KAZN: variants seen among roughly 807,000 people sequenced by gnomAD.
The protein encoded by KAZN is kazrin.
KAZN carries 40 observed loss-of-function variants against 87.4 expected under a neutral mutation model. The observed-to-expected ratio is 0.46, with a 90% CI of 0.36 to 0.60. The LOEUF is 0.60. KAZN is among the 20% of genes least tolerant of loss of function. The pLI is 0.00. For missense variants in KAZN, 898 were observed against 1,073.9 expected (o/e 0.84, Z 2.29); for synonymous variants, 466 against 458.3 (o/e 1.02, Z -0.22).
rs1408671667 is a variant in KAZN, at chr1:14,778,158, G to A, written c.226+178935G>A. Among the ~76,000 whole-genome samples, 3 of 152,142 alleles carry A rather than the reference G, an allele frequency of 2.0e-5. No homozygotes were observed. The East Asian group carries it at 5.8e-4, about 29-fold the overall frequency. On this transcript the variant is annotated intron_variant, in intron 1 of 14. Transcript: ENST00000376030. Reference sequence around the variant, plus strand: ...CTTATTTTACCCAATCTCTATTCAAGATGGAGTCTCTGAGTCTTAACATTT... The same window carrying A: ...CTTATTTTACCCAATCTCTATTCAAAATGGAGTCTCTGAGTCTTAACATTT...
chr1:14,489,360 T>C (rs1669526044), intron 2 of KAZN, among the ~76,000 whole-genome samples: 1 of 152,158 alleles, frequency 6.6e-6, no homozygotes, highest in Non-Finnish European at 1.5e-5. Flanking sequence ...TAAAATTATA[T>C]ATATATAAAC....
intron 1 of KAZN, among the ~76,000 whole-genome samples, chr1:13,938,434 A>G (rs1383720128): frequency 1.3e-5 from 2 of 152,174 alleles, no homozygotes; most frequent in African/African-American, 4.8e-5. Context: ...AGGAGCCTTT[A>G]GGGTTTTCTA....
intron 1 of KAZN, among the ~76,000 whole-genome samples, chr1:14,140,391 A>G (rs1397635164): frequency 6.6e-6 from 1 of 152,082 alleles, no homozygotes; most frequent in Non-Finnish European, 1.5e-5. Flanking sequence ...AGGTGTAATA[A>G]TAATTATAAT....
chr1:14,398,902 T>C (rs1460060500), intron 2 of KAZN, among the ~76,000 whole-genome samples: 2 of 152,146 alleles, frequency 1.3e-5, no homozygotes, highest in Non-Finnish European at 2.9e-5. Context: ...GACTTTCGGA[T>C]TACTCGGGGG....
At chr1:14,972,101 G>A (rs1223456879) in intron 2 of KAZN, among the ~76,000 whole-genome samples, 1 of 152,180 alleles carries the variant, frequency 6.6e-6, no homozygotes, top group Non-Finnish European at 1.5e-5. Context: ...GCAGAATGAG[G>A]ACAGGACTCG....
At chr1:14,088,982 A>T (rs1383979804) in intron 1 of KAZN, among the ~76,000 whole-genome samples, 2 of 147,564 alleles carry the variant, frequency 1.4e-5, no homozygotes, top group African/African-American at 2.5e-5. Context: ...TAGTGGTTGC[A>T]TGCCTTACCA....
At position 14,695,510 on chromosome 1, in the gene KAZN, C is replaced by CTTTTTTTTTTTTTTTTTTTTTT. The variant is rs112667110; in HGVS notation, c.226+96302_226+96303insTTTTTTTTTTTTTTTTTTTTTT. ...CCTCTTTCCCCAGACTACATTCCAT[C>CTTTTTTTTTTTTTTTTTTTTTT]TTTTTTTTTTTTTTTGATGGAGTCT... On this transcript the variant is annotated intron_variant, in intron 1 of 14. Transcript: ENST00000376030. Among the ~76,000 whole-genome samples, 108 of 85,022 alleles carry CTTTTTTTTTTTTTTTTTTTTTT rather than the reference C, an allele frequency of 1.3e-3. 17 individuals are homozygous for CTTTTTTTTTTTTTTTTTTTTTT. The highest frequency in any genetic ancestry group is 0.016 in the Middle Eastern group (2 of 122). 55.8% of individuals were successfully genotyped at this position (85,022 alleles called of 152,430 possible).
intron 1 of KAZN, among the ~76,000 whole-genome samples, chr1:14,047,748 A>G (rs1173486218): frequency 6.6e-6 from 1 of 152,040 alleles, no homozygotes; most frequent in Admixed American, 6.6e-5. Context: ...CACACCTGTA[A>G]TCCCAGCTAC....
At chr1:14,740,110 G>A (rs890078278) in intron 1 of KAZN, among the ~76,000 whole-genome samples, 10 of 152,136 alleles carry the variant, frequency 6.6e-5, no homozygotes, top group African/African-American at 2.4e-4. Context: ...GACCCAAGCC[G>A]AGTGTGTGCT....
At chr1:14,018,098 G>A (rs139625175) in intron 1 of KAZN, among the ~76,000 whole-genome samples, 9 of 152,252 alleles carry the variant, frequency 5.9e-5, no homozygotes, top group Admixed American at 1.3e-4. Flanking sequence ...GACTAAGTTC[G>A]CATTGATCAC....
At chr1:13,968,021 C>G (rs1443459921) in intron 1 of KAZN, among the ~76,000 whole-genome samples, 1 of 152,194 alleles carries the variant, frequency 6.6e-6, no homozygotes, top group Non-Finnish European at 1.5e-5. Flanking sequence ...GGGGCCTCCT[C>G]CTGTTCCCCA....
rs149269915 is a variant in KAZN at position 14,914,962 on chromosome 1, G to A, written c.227-45722G>A. Among the ~76,000 whole-genome samples, 504 of 152,220 alleles carry A rather than the reference G, an allele frequency of 3.3e-3. 3 individuals are homozygous for A. The highest frequency in any genetic ancestry group is 0.011 in the African/African-American group (462 of 41,546). On this transcript the variant is annotated intron_variant, in intron 1 of 14. Coordinates refer to ENST00000376030, the MANE Select transcript of KAZN (RefSeq NM_201628.3). ...TCCCAGCACTTTGGGAGGCTGAGGC[G>A]GGCGGATCACCTGAGGTCAGGAGTT...
intron 1 of KAZN, among the ~76,000 whole-genome samples, chr1:14,155,899 C>G (rs1387353372): frequency 3.9e-5 from 6 of 152,162 alleles, no homozygotes; most frequent in African/African-American, 1.4e-4. Flanking sequence ...ATCCACTCAC[C>G]TTGGCCTCCT....
intron 2 of KAZN, among the ~76,000 whole-genome samples, chr1:14,993,388 G>C (rs928285234): frequency 6.6e-6 from 1 of 151,844 alleles, no homozygotes; most frequent in Admixed American, 6.6e-5. Flanking sequence ...AGAATCACTT[G>C]AACCTGGGAG....
At chr1:15,027,762 C>T (rs180859576) in intron 2 of KAZN, among the ~76,000 whole-genome samples, 1 of 152,224 alleles carries the variant, frequency 6.6e-6, no homozygotes, top group Non-Finnish European at 1.5e-5. Flanking sequence ...CCAGGGTACA[C>T]CCAGGCTGGA....
At chr1:14,049,796 G>A (rs997650195) in intron 1 of KAZN, among the ~76,000 whole-genome samples, 3 of 152,226 alleles carry the variant, frequency 2.0e-5, no homozygotes, top group Non-Finnish European at 2.9e-5. Context: ...ACCAGACAGT[G>A]CCCTTGCTCT....
At chr1:14,067,491 A>G (rs1037472382) in intron 1 of KAZN, among the ~76,000 whole-genome samples, 13 of 152,266 alleles carry the variant, frequency 8.5e-5, no homozygotes, top group Non-Finnish European at 1.5e-5. Flanking sequence ...CAAAGCTGGT[A>G]TTATCTGTGT....
chr1:14,454,945 C>CA (rs539971180), intron 2 of KAZN, among the ~76,000 whole-genome samples: 172 of 152,266 alleles, frequency 1.1e-3, no homozygotes, highest in African/African-American at 3.9e-3. Flanking sequence ...AGGTTGCAGT[C>CA]AAGCTTGCAG....
chr1:14,644,502 C>T (rs1680663850), intron 1 of KAZN, among the ~76,000 whole-genome samples: 1 of 151,984 alleles, frequency 6.6e-6, no homozygotes, highest in South Asian at 2.1e-4. Context: ...GCTGGGACTA[C>T]AGGCGCCTGC....
Sources: gnomAD v4.1 joint callset for allele counts (sites outside exome capture counted in the v4.1 genomes callset) on GRCh38, gnomAD v4.1.1 for gene constraint, MANE v1.5 for transcripts, NCBI Gene and HGNC (gene_info 2026-07-23, HGNC 2026-07-21) for gene names.